The following DLG2 variants were observed in gnomAD, a reference collection of about 807,000 sequenced individuals.
The protein encoded by DLG2 is discs large MAGUK scaffold protein 2.
A neutral mutation model predicts 132.5 loss-of-function variants in DLG2; 45 were observed. The observed-to-expected ratio is 0.34, with a 90% confidence interval of 0.27 to 0.44. The LOEUF is 0.44. Among genes scored for constraint, DLG2 ranks in the 20% least tolerant of loss-of-function variants. The pLI, the probability that DLG2 is intolerant of heterozygous loss-of-function variation, is 1.00. For synonymous variants in DLG2, 424 were observed against 419.6 expected (o/e 1.01, Z -0.13); for missense variants, 1,045 against 1,196.9 (o/e 0.87, Z 1.87).
intron 7 of DLG2, among the ~76,000 whole-genome samples, chr11:84,456,708 C>T (rs917690641): frequency 1.3e-5 from 2 of 151,310 alleles, no homozygotes; most frequent in Non-Finnish European, 3.0e-5. Flanking sequence ...TATTTTTAAA[C>T]ATTGCACTTA....
intron 2 of DLG2, among the ~76,000 whole-genome samples, chr11:85,619,567 C>T (rs1414896674): frequency 6.6e-6 from 1 of 152,044 alleles, no homozygotes; most frequent in Non-Finnish European, 1.5e-5. Context: ...TATGCAGTGG[C>T]TCATGCCTGT....
intron 7 of DLG2, among the ~76,000 whole-genome samples, chr11:84,363,415 T>C (rs2098662637): frequency 1.3e-5 from 2 of 152,148 alleles, no homozygotes; most frequent in African/African-American, 4.8e-5. Flanking sequence ...TATTAGCCCT[T>C]TGTCAGATGA....
chr11:84,422,115 T>G (rs762931982), intron 7 of DLG2, among the ~76,000 whole-genome samples: 1 of 152,230 alleles, frequency 6.6e-6, no homozygotes, highest in Non-Finnish European at 1.5e-5. Flanking sequence ...GGAAGGTACT[T>G]GGGCAAATTA....
At chr11:84,041,522 C>G (rs746266176) in intron 11 of DLG2, among the ~76,000 whole-genome samples, 42 of 151,822 alleles carry the variant, frequency 2.8e-4, no homozygotes, top group Non-Finnish European at 4.7e-4. Flanking sequence ...GTACTTTTAA[C>G]TTGCAATTAT....
At chr11:85,435,385 G>A (rs946071181) in intron 3 of DLG2, among the ~76,000 whole-genome samples, 1 of 152,168 alleles carries the variant, frequency 6.6e-6, no homozygotes, top group African/African-American at 2.4e-5. Context: ...GCTGTTTGCA[G>A]ATGACATATT....
At chr11:84,157,689 T>C (rs932222708) in intron 9 of DLG2, among the ~76,000 whole-genome samples, 6 of 152,224 alleles carry the variant, frequency 3.9e-5, no homozygotes, top group African/African-American at 1.4e-4. Context: ...GACCACATAT[T>C]GAGAGCAATC....
At chr11:84,734,746 C>A (rs2063603549) in intron 6 of DLG2, among the ~76,000 whole-genome samples, 1 of 152,126 alleles carries the variant, frequency 6.6e-6, no homozygotes, top group Non-Finnish European at 1.5e-5. Flanking sequence ...CCAGTTTTTG[C>A]CCATTCAGCA....
intron 17 of DLG2, among the ~76,000 whole-genome samples, chr11:83,819,684 T>C (rs771470799): frequency 1.3e-5 from 2 of 152,052 alleles, no homozygotes; most frequent in Admixed American, 6.6e-5. Context: ...ACAGCAACAT[T>C]GGTCCATCAG....
At chr11:84,771,209 T>C (rs1315646405) in intron 6 of DLG2, among the ~76,000 whole-genome samples, 2 of 152,238 alleles carry the variant, frequency 1.3e-5, no homozygotes, top group South Asian at 2.1e-4. Flanking sequence ...TCTTCCACAA[T>C]GGTTGAACTA....
At chr11:84,014,895 C>T (rs1050406092) in intron 11 of DLG2, among the ~76,000 whole-genome samples, 1 of 151,774 alleles carries the variant, frequency 6.6e-6, no homozygotes, top group Admixed American at 6.6e-5. Flanking sequence ...ATCTACACAG[C>T]ATATCTCCAC....
intron 6 of DLG2, chr11:84,763,230 G>T (rs981194432): frequency 6.6e-6 from 1 of 152,142 alleles, no homozygotes; most frequent in African/African-American, 2.4e-5. Context: ...TTAATAGTTG[G>T]TTTACATGAC....
chr11:84,962,894 G>A lies in DLG2; in HGVS notation c.357+148767C>T, dbSNP rs565324924. On this transcript the variant is annotated intron_variant, in intron 6 of 27. Coordinates refer to ENST00000376104, the MANE Select transcript of DLG2 (RefSeq NM_001142699.3). ...TTTCCCCCAAAATGCAAAAAGCAGA[G>A]GTAAAAATAATGTATTTCAACTAAA... is the stretch of plus-strand genomic sequence containing the variant. Among the ~76,000 whole-genome samples the A allele has an allele frequency of 2.3e-4, 35 of 152,212 alleles. No homozygotes were observed. The East Asian group carries it at 4.0e-3, about 18-fold the overall frequency.
At chr11:85,456,605 G>C (rs1169793755) in intron 3 of DLG2, among the ~76,000 whole-genome samples, 1 of 152,110 alleles carries the variant, frequency 6.6e-6, no homozygotes, top group Non-Finnish European at 1.5e-5. Context: ...TGGGCATTTA[G>C]TGCTATAAAC....
intron 8 of DLG2, among the ~76,000 whole-genome samples, chr11:84,193,711 T>A (rs2096459219): frequency 6.6e-6 from 1 of 152,236 alleles, no homozygotes; most frequent in Admixed American, 6.5e-5. Flanking sequence ...ACAGGTCAAA[T>A]TAAACTATCC....
At chr11:84,674,524 C>A (rs983241997) in intron 6 of DLG2, among the ~76,000 whole-genome samples, 3 of 152,046 alleles carry the variant, frequency 2.0e-5, no homozygotes, top group African/African-American at 7.2e-5. Context: ...AACCTTAGCT[C>A]CTTATTAACT....
At chr11:83,950,964 C>G (rs2085270944) in intron 14 of DLG2, among the ~76,000 whole-genome samples, 1 of 151,948 alleles carries the variant, frequency 6.6e-6, no homozygotes, top group Admixed American at 6.6e-5. Context: ...AGATATTACA[C>G]ACTGGCAAAT....
At position 84,641,034 on chromosome 11, in the gene DLG2, G is replaced by C. The variant is rs979285136; in HGVS notation, c.358-106303C>G. On this transcript the variant is annotated intron_variant, in intron 6 of 27. Transcript: ENST00000376104. The stretch of plus-strand genomic sequence containing the variant: ...AAAAATAAACAAAATTTTTACTTCT[G>C]ATCACTTTTCCCTCTGGGGAAACTG... Among the ~76,000 whole-genome samples, 14 of 151,446 alleles carry C rather than the reference G, an allele frequency of 9.2e-5. No individual in the cohort carries two copies. In the East Asian group the frequency reaches 2.7e-3, roughly 29 times the overall value.
chr11:84,966,515 A>C (rs1442048199), intron 6 of DLG2, among the ~76,000 whole-genome samples: 2 of 152,122 alleles, frequency 1.3e-5, no homozygotes, highest in Non-Finnish European at 2.9e-5. Context: ...TTATAAAGGA[A>C]GGATTGGAAG....
rs534276662 is a variant in DLG2 at position 83,506,766 on chromosome 11, C to T, written c.2194-22538G>A. ...GTGTCCCCAGCTTTATCAGGGTTCT[C>T]TCACACGTTTCTATTGTAAGTTGCA... On this transcript the variant is annotated intron_variant, in intron 21 of 27. Coordinates refer to ENST00000376104, the MANE Select transcript of DLG2 (RefSeq NM_001142699.3). 3.1e-3 allele frequency among the ~76,000 whole-genome samples: 469 copies of T among 152,326 alleles called. 4 individuals carry two copies. The highest frequency in any genetic ancestry group is 5.3e-3 in the Non-Finnish European group (360 of 68,028).
Sources: gnomAD v4.1 joint callset for allele counts (sites outside exome capture counted in the v4.1 genomes callset) on GRCh38, gnomAD v4.1.1 for gene constraint, MANE v1.5 for transcripts, NCBI Gene and HGNC (gene_info 2026-07-23, HGNC 2026-07-21) for gene names.